The following KDM4B variants were observed in gnomAD, a reference collection of about 807,000 sequenced individuals.
The protein encoded by KDM4B is lysine demethylase 4B, also known as lysine-specific demethylase 4B.
In KDM4B, 32 loss-of-function variants were observed where a neutral mutation model predicts 125.2. The observed-to-expected ratio is 0.26, with a 90% CI of 0.19 to 0.34. KDM4B has a LOEUF of 0.34. Among genes scored for constraint, KDM4B ranks in the 10% least tolerant of loss-of-function variants. The pLI is 1.00. For missense variants in KDM4B, 1,190 were observed against 1,577.7 expected (o/e 0.75, Z 4.16); for synonymous variants, 721 against 677.9 (o/e 1.06, Z -0.99).
At chr19:5,033,860 G>A (rs1352393906) in intron 3 of KDM4B, among the ~76,000 whole-genome samples, 3 of 152,192 alleles carry the variant, frequency 2.0e-5, no homozygotes, top group African/African-American at 7.2e-5. Flanking sequence ...TCTGGGCATG[G>A]TGGCCCAGGC....
intron 9 of KDM4B, among the ~76,000 whole-genome samples, chr19:5,097,087 TG>T (rs1434251801): frequency 2.6e-5 from 4 of 151,678 alleles, no homozygotes; most frequent in African/African-American, 4.8e-5. Flanking sequence ...CATCGGGTGA[TG>T]GGGATGGTGC....
chr19:5,055,252 C>T (rs1334262558), intron 6 of KDM4B, among the ~76,000 whole-genome samples: 1 of 152,194 alleles, frequency 6.6e-6, no homozygotes, highest in African/African-American at 2.4e-5. Flanking sequence ...CATCGGGGCA[C>T]TCACCGGGGC....
At position 4,997,028 on chromosome 19, in the gene KDM4B, C is replaced by T. The variant is rs1599379206; in HGVS notation, c.-108-19229C>T. On this transcript the variant is annotated intron_variant, in intron 1 of 22. Transcript: ENST00000159111. The surrounding 1 kb of genome is among the most constrained non-coding windows in gnomAD (Gnocchi z 4.2). Reference sequence around the variant, plus strand: ...AGCTGCATGGTTGGGCAGTGTGGGTCTGGGTGAGTGGGTTCTTTGCATCCC... The same window carrying T: ...AGCTGCATGGTTGGGCAGTGTGGGTTTGGGTGAGTGGGTTCTTTGCATCCC... Among the ~76,000 whole-genome samples, 1 of 152,080 alleles carries T rather than the reference C, an allele frequency of 6.6e-6. No individual in the cohort carries two copies. The highest frequency in any genetic ancestry group is 2.4e-5 in the African/African-American group (1 of 41,406).
At chr19:5,057,065 T>TGC (rs1555701525) in intron 6 of KDM4B, among the ~76,000 whole-genome samples, 21,465 of 127,970 alleles carry the variant, frequency 0.17, 1,844 homozygotes, top group East Asian at 0.28. Flanking sequence ...TGTGTGTGTG[T>TGC]GCGCGCGCGC....
rs549319553 is a variant in KDM4B, at chr19:5,061,735, C to T, written c.627-9275C>T. 8.6e-5 allele frequency among the ~76,000 whole-genome samples: 13 copies of T among 151,818 alleles called. No homozygotes were observed. In the East Asian group the frequency reaches 9.7e-4, roughly 11 times the overall value. ...AAGAAAAAATCAGCTGGGTGTAGGG[C>T]GCACACCTGTCATCTTTTAGCTACA... On this transcript the variant is annotated intron_variant, in intron 6 of 22. Coordinates refer to ENST00000159111, the MANE Select transcript of KDM4B (RefSeq NM_015015.3).
At chr19:5,138,778 C>T (rs977840727) in intron 18 of KDM4B, among the ~76,000 whole-genome samples, 1 of 152,254 alleles carries the variant, frequency 6.6e-6, no homozygotes, top group Non-Finnish European at 1.5e-5. Context: ...GCGGCCCGCT[C>T]ACCCGTCCTG....
chr19:5,088,665 T>TCCCCC (rs35143112), intron 9 of KDM4B, among the ~76,000 whole-genome samples: 3 of 103,780 alleles, frequency 2.9e-5, no homozygotes, highest in Non-Finnish European at 4.0e-5. Context: ...GCCCCCCCCC[T>TCCCCC]CCCCCCCCCC....
Position 5,119,685 on chromosome 19 carries a change from C to T in KDM4B, c.1148C>T (p.Pro383Leu), listed in dbSNP as rs756458000. Residue 383 changes from proline (P) to leucine (L), a missense_variant, in exon 11 of 23, where the codon CCG (proline) becomes CTG (leucine). Physicochemically the swap from Pro to Leu is moderately conservative, Grantham distance 98 (BLOSUM62 -3). Transcript: ENST00000159111. ...SHRKRSQPKK[P>L]KPEDPKFPGE... ...CGGAAACGGAGCCAGCCCAAGAAGCCGAAGCCCGAAGACCCCAAGTTCCCT... is the reference window on the plus strand; with the variant it reads ...CGGAAACGGAGCCAGCCCAAGAAGCTGAAGCCCGAAGACCCCAAGTTCCCT... The T allele has an allele frequency of 1.5e-5, 24 of 1,555,970 alleles. No homozygotes were observed. In the East Asian group the frequency reaches 1.9e-4, roughly 13 times the overall value.
At chr19:5,046,914 T>A (rs2037043372) in intron 5 of KDM4B, 1 of 153,028 alleles carries the variant, frequency 6.5e-6, no homozygotes, top group South Asian at 2.1e-4. Flanking sequence ...CTCAGTGGAA[T>A]CTGACAGGCC....
chr19:4,983,773 G>A (rs531712332), intron 1 of KDM4B, among the ~76,000 whole-genome samples: 126 of 152,330 alleles, frequency 8.3e-4, no homozygotes, highest in Non-Finnish European at 1.4e-3. Flanking sequence ...GCCACAGGCG[G>A]CTTCAAAGGG....
Position 5,119,778 on chromosome 19 carries a change from C to G in KDM4B, c.1241C>G (p.Pro414Arg), listed in dbSNP as rs759014600. ...GGCAGCGTGAAGGAGGAGGCTGGGC[C>G]GGAGGTTGACCCCGAGGAGGAGGAG... ...AGGSVKEEAGPEVDPEEEEEE... is the reference protein window; with the variant it reads ...AGGSVKEEAGREVDPEEEEEE... Residue 414 changes from proline to arginine, a missense_variant, in exon 11 of 23, where the codon CCG becomes CGG. Coordinates refer to ENST00000159111, the MANE Select transcript of KDM4B (RefSeq NM_015015.3). The G allele has an allele frequency of 1.9e-6, 3 of 1,544,772 alleles. No individual in the cohort carries two copies. Among genetic ancestry groups the G allele is most frequent in the Non-Finnish European group, 2.6e-6 (3 of 1,144,344 alleles).
chr19:5,112,701 CG>C (rs1309552476), intron 10 of KDM4B: 1 of 152,392 alleles, frequency 6.6e-6, no homozygotes, highest in Non-Finnish European at 1.5e-5. Context: ...CCCCACCTCG[CG>C]GCCTCTCTCG....
chr19:5,072,509 T>A (rs532729360), intron 7 of KDM4B, among the ~76,000 whole-genome samples: 1 of 152,200 alleles, frequency 6.6e-6, no homozygotes, highest in Non-Finnish European at 1.5e-5. Context: ...GTAGTAGAAA[T>A]TCTGCAGTCA....
At chr19:5,151,086 C>G (rs2039938931) in intron 22 of KDM4B, among the ~76,000 whole-genome samples, 1 of 152,176 alleles carries the variant, frequency 6.6e-6, no homozygotes, top group Non-Finnish European at 1.5e-5. Flanking sequence ...TGGGAGCTGC[C>G]AGATGGACGG....
rs567542360 is a variant in KDM4B at position 5,082,616 on chromosome 19, G to A, written c.918+112G>A. 8.4e-7 allele frequency: 1 copy of A among 1,195,452 alleles called. No homozygotes were observed. Among genetic ancestry groups the A allele is most frequent in the African/African-American group, 1.6e-5 (1 of 64,446 alleles). The allele number at this position is 1,195,452 out of a possible 1,614,324, so 74.1% of individuals were successfully genotyped here. A position where few individuals can be genotyped will look rare whatever the true frequency, so the allele number is the denominator to read the frequency against. ...CAGCAGCCGTTTCGCTCAGCCCAGGGCCTGGGCTCTCAACCAGGGTCTGAT... is the reference window on the plus strand; with the variant it reads ...CAGCAGCCGTTTCGCTCAGCCCAGGACCTGGGCTCTCAACCAGGGTCTGAT... On this transcript the variant is annotated intron_variant, in intron 9 of 22. Transcript: ENST00000159111. This position sits in a 1 kb window ranked among gnomAD's most constrained non-coding sequence, Gnocchi z 5.4.
chr19:4,996,067 C>G (rs1247629975), intron 1 of KDM4B, among the ~76,000 whole-genome samples: 1 of 151,974 alleles, frequency 6.6e-6, no homozygotes, highest in Admixed American at 6.6e-5. Flanking sequence ...CTCAGCTCAC[C>G]GCAGCCTCCT....
intron 11 of KDM4B, among the ~76,000 whole-genome samples, chr19:5,120,241 G>C (rs2039335364): frequency 1.3e-5 from 2 of 152,226 alleles, no homozygotes; most frequent in East Asian, 3.8e-4. Context: ...GGGAAGCTGA[G>C]GTGGGAGGTT....
chr19:5,048,902 CAG>C (rs1330218491), intron 6 of KDM4B, among the ~76,000 whole-genome samples: 1 of 152,100 alleles, frequency 6.6e-6, no homozygotes, highest in Non-Finnish European at 1.5e-5. Flanking sequence ...CAGACAGAAG[CAG>C]GGGGGTCAGG....
intron 13 of KDM4B, 90 bp from the exon 14 acceptor site, chr19:5,133,792 CG>C (rs2039599994): frequency 2.2e-6 from 3 of 1,386,174 alleles, no homozygotes; most frequent in Admixed American, 1.9e-5. Context: ...GCTGTAGACC[CG>C]GGGCCATCCC....
Sources: gnomAD v4.1 joint callset for allele counts (sites outside exome capture counted in the v4.1 genomes callset) on GRCh38, gnomAD v4.1.1 for gene constraint, Gnocchi (gnomAD v3.1) non-coding constraint, MANE v1.5 for transcripts, NCBI Gene and HGNC (gene_info 2026-07-23, HGNC 2026-07-21) for gene names.